The following SORCS1 variants were observed in gnomAD, a reference collection of about 807,000 sequenced individuals.
The protein encoded by SORCS1 is sortilin related VPS10 domain containing receptor 1.
A neutral mutation model predicts 146.1 loss-of-function variants in SORCS1; 60 were observed. The observed-to-expected ratio is 0.41, with a 90% confidence interval of 0.33 to 0.51. The LOEUF is 0.51. Ranked by LOEUF, SORCS1 falls within the 20% of genes least tolerant of loss-of-function variation. The pLI is 0.21. For missense variants in SORCS1, 1,352 were observed against 1,487.6 expected, an observed-to-expected ratio of 0.91 and a Z score of 1.50; for synonymous variants, 637 against 584.0, an observed-to-expected ratio of 1.09 and a Z score of -1.31.
intron 1 of SORCS1, among the ~76,000 whole-genome samples, chr10:107,036,203 C>A (rs1958899712): frequency 1.5e-5 from 2 of 132,096 alleles, no homozygotes; most frequent in South Asian, 4.4e-4. Context: ...TTTGATACAG[C>A]AATAAAAAAT....
At chr10:106,932,558 T>C (rs1006370817) in intron 2 of SORCS1, among the ~76,000 whole-genome samples, 1 of 152,202 alleles carries the variant, frequency 6.6e-6, no homozygotes, top group African/African-American at 2.4e-5. Flanking sequence ...TGCTTGCTTC[T>C]TGGACAAAAT....
intron 1 of SORCS1, among the ~76,000 whole-genome samples, chr10:107,144,083 C>T (rs1434569560): frequency 6.6e-6 from 1 of 152,124 alleles, no homozygotes; most frequent in Non-Finnish European, 1.5e-5. Flanking sequence ...ACATGCTTAT[C>T]CTTCCCCTTA....
chr10:106,637,861 T>A (rs1848818511), intron 18 of SORCS1, among the ~76,000 whole-genome samples: 1 of 152,234 alleles, frequency 6.6e-6, no homozygotes, highest in Non-Finnish European at 1.5e-5. Context: ...CAAAGTGGTT[T>A]GGTCCTTCCT....
chr10:107,017,639 TTAAG>T (rs1957954776), intron 1 of SORCS1, among the ~76,000 whole-genome samples: 1 of 152,126 alleles, frequency 6.6e-6, no homozygotes, highest in South Asian at 2.1e-4. Flanking sequence ...ATAATTTTTT[TTAAG>T]TTTTAAATTT....
intron 17 of SORCS1, among the ~76,000 whole-genome samples, chr10:106,660,134 C>T (rs1215996270): frequency 1.3e-5 from 2 of 152,186 alleles, no homozygotes; most frequent in African/African-American, 4.8e-5. Flanking sequence ...AAAACCCCCA[C>T]AAGGCAACCA....
chr10:107,027,579 C>A (rs1448569425), intron 1 of SORCS1, among the ~76,000 whole-genome samples: 1 of 152,152 alleles, frequency 6.6e-6, no homozygotes, highest in Non-Finnish European at 1.5e-5. Context: ...AAGTCATAAA[C>A]CATTACACTC....
chr10:106,777,972 G>A (rs1283388474), intron 3 of SORCS1, among the ~76,000 whole-genome samples: 1 of 152,160 alleles, frequency 6.6e-6, no homozygotes, highest in Non-Finnish European at 1.5e-5. Flanking sequence ...ACCAGCTGAG[G>A]ATGCTGCACT....
chr10:106,875,156 C>G (rs1251754830), intron 2 of SORCS1, among the ~76,000 whole-genome samples: 1 of 152,138 alleles, frequency 6.6e-6, no homozygotes, highest in Non-Finnish European at 1.5e-5. Context: ...TTTTATCACT[C>G]TGTATGTCTT....
intron 2 of SORCS1, among the ~76,000 whole-genome samples, chr10:106,907,369 G>C (rs916761278): frequency 1.4e-4 from 21 of 152,068 alleles, no homozygotes; most frequent in Non-Finnish European, 2.9e-5. Flanking sequence ...ACACTGATAG[G>C]AGAAGAAATA....
chr10:106,906,409 TG>T (rs913763960), intron 2 of SORCS1, among the ~76,000 whole-genome samples: 23 of 152,148 alleles, frequency 1.5e-4, no homozygotes, highest in African/African-American at 5.3e-4. Context: ...CCACCGTGGC[TG>T]GCCAGAAAAA....
At chr10:107,024,218 C>T (rs990533744) in intron 1 of SORCS1, among the ~76,000 whole-genome samples, 6 of 151,410 alleles carry the variant, frequency 4.0e-5, no homozygotes, top group Admixed American at 3.9e-4. Context: ...TATTTGGCCC[C>T]TGGTTCTGAA....
At chr10:106,768,481 C>A (rs767233170) in intron 4 of SORCS1, among the ~76,000 whole-genome samples, 1 of 152,280 alleles carries the variant, frequency 6.6e-6, no homozygotes, top group Non-Finnish European at 1.5e-5. Context: ...TTATCTCAAT[C>A]TTGCCCTTTT....
At chr10:107,102,401 G>A (rs118014315) in intron 1 of SORCS1, among the ~76,000 whole-genome samples, 2,063 of 152,248 alleles carry the variant, frequency 0.014, 27 homozygotes, top group Middle Eastern at 0.027. Context: ...CAAGGTGTTG[G>A]GATCCGGATC....
intron 1 of SORCS1, among the ~76,000 whole-genome samples, chr10:106,993,490 G>A (rs1003080245): frequency 6.6e-5 from 10 of 152,186 alleles, no homozygotes; most frequent in Admixed American, 4.6e-4. Context: ...CATGATAGAG[G>A]CTGAACTCTG....
At chr10:107,068,305 T>G (rs1354017303) in intron 1 of SORCS1, among the ~76,000 whole-genome samples, 4 of 152,172 alleles carry the variant, frequency 2.6e-5, no homozygotes, top group African/African-American at 9.6e-5. Flanking sequence ...CTGAGGCAAC[T>G]GAACTCCCAG....
chr10:107,049,321 A>C (rs1228246645), intron 1 of SORCS1, among the ~76,000 whole-genome samples: 1 of 148,934 alleles, frequency 6.7e-6, no homozygotes, highest in Non-Finnish European at 1.5e-5. Context: ...CTAATGCTAA[A>C]TGACGAGTTA....
intron 23 of SORCS1, chr10:106,600,443 C>T: frequency 1.0e-6 from 1 of 982,384 alleles, no homozygotes; most frequent in African/African-American, 1.7e-5. Flanking sequence ...ATTTACATTG[C>T]ATATAAGAAT....
intron 16 of SORCS1, among the ~76,000 whole-genome samples, chr10:106,670,740 C>CTGGAG (rs1207895265): frequency 6.7e-6 from 1 of 148,934 alleles, no homozygotes; most frequent in East Asian, 2.0e-4. Context: ...TGACGCCATG[C>CTGGAG]TGGAGTGCAG....
intron 7 of SORCS1, among the ~76,000 whole-genome samples, chr10:106,708,839 A>G: frequency 6.6e-6 from 1 of 152,096 alleles, no homozygotes; most frequent in East Asian, 1.9e-4. Flanking sequence ...ACCCTTTCCC[A>G]GATAGAAAGA....
Sources: gnomAD v4.1 joint callset for allele counts (sites outside exome capture counted in the v4.1 genomes callset) on GRCh38, gnomAD v4.1.1 for gene constraint, MANE v1.5 for transcripts, NCBI Gene and HGNC (gene_info 2026-07-23, HGNC 2026-07-21) for gene names.